DHX57: variants seen among roughly 807,000 people sequenced by gnomAD.
The protein encoded by DHX57 is DExH-box helicase 57.
Under a neutral mutation model 156.2 loss-of-function variants are expected in DHX57, and 105 were observed. The observed-to-expected ratio is 0.67, with a 90% CI of 0.57 to 0.79. The LOEUF is 0.79. DHX57 is among the 30% of genes least tolerant of loss of function. DHX57 has a pLI of 0.00. For missense variants in DHX57, 1,847 were observed against 1,661.9 expected, an observed-to-expected ratio of 1.11 and a Z score of -1.94; for synonymous variants, 704 against 595.6, an observed-to-expected ratio of 1.18 and a Z score of -2.65.
intron 5 of DHX57, among the ~76,000 whole-genome samples, chr2:38,859,672 G>T (rs559856944): frequency 3.6e-4 from 54 of 152,108 alleles, no homozygotes; most frequent in South Asian, 1.2e-3. Flanking sequence ...GTTAGTGAGT[G>T]AATCTGGCTA....
In DHX57 at chr2:38,861,785, C is replaced by G; in HGVS notation, c.625G>C (p.Asp209His). Residue 209 changes from aspartate to histidine, a missense_variant, in exon 5 of 24, where the codon GAT becomes CAT. Transcript: ENST00000457308. ...AGATGCTCTAGTGATGCTCCCACATCTCCATCACACATCCTCAGGACCGCT... is the reference window on the plus strand; with the variant it reads ...AGATGCTCTAGTGATGCTCCCACATGTCCATCACACATCCTCAGGACCGCT... ...CQAVLRMCDG[D>H]VGASLEHLLT... 1 of 1,613,816 alleles carries G rather than the reference C, an allele frequency of 6.2e-7. No homozygotes were observed. The highest frequency in any genetic ancestry group is 8.5e-7 in the Non-Finnish European group (1 of 1,179,870).
chr2:38,850,324 C>G (rs1672517556), intron 9 of DHX57, among the ~76,000 whole-genome samples: 2 of 151,996 alleles, frequency 1.3e-5, no homozygotes, highest in Non-Finnish European at 2.9e-5. Context: ...GCTCTGTCAC[C>G]CAGGCTGGAG....
intron 17 of DHX57, 139 bp downstream of exon 17, chr2:38,822,854 C>T: frequency 3.6e-6 from 3 of 826,184 alleles, no homozygotes; most frequent in Non-Finnish European, 3.7e-6. Context: ...CCCTCCCATG[C>T]AGATGTGCCC....
intron 1 of DHX57, among the ~76,000 whole-genome samples, chr2:38,873,651 T>G (rs976126494): frequency 6.6e-6 from 1 of 152,204 alleles, no homozygotes. Context: ...GAATGGAGAT[T>G]TGTTCATCTA....
intron 1 of DHX57, among the ~76,000 whole-genome samples, chr2:38,870,914 C>A (rs1027640533): frequency 2.0e-5 from 3 of 150,640 alleles, no homozygotes; most frequent in Non-Finnish European, 1.5e-5. Flanking sequence ...AAAAAAACAA[C>A]AAAAAATAGT....
intron 7 of DHX57, among the ~76,000 whole-genome samples, chr2:38,855,539 ACT>A (rs1672854681): frequency 6.6e-6 from 1 of 152,192 alleles, no homozygotes; most frequent in East Asian, 1.9e-4. Flanking sequence ...AGGAACGTAA[ACT>A]CTACACATGA....
rs1457796833 is a variant in DHX57, at chr2:38,868,391, T to C, written c.15A>G (p.Val5=). The stretch of plus-strand genomic sequence containing the variant: ...CTTTGCCTGGCTTGCCTTTTCTTCT[T>C]ACTGAAGAACTCATTTTCACCTGCA... MSSS[V]RRKGKPGKGG... The change falls in exon 2 of 24, where the codon GTA becomes GTG. Residue 5 remains valine (V), a synonymous_variant. Transcript: ENST00000457308. The C allele has an allele frequency of 6.2e-7, 1 of 1,613,186 alleles. No homozygotes were observed. Among genetic ancestry groups the C allele is most frequent in the Admixed American group, 1.7e-5 (1 of 60,014 alleles).
chr2:38,856,969 T>A (rs1444835977), intron 6 of DHX57: 2 of 153,522 alleles, frequency 1.3e-5, no homozygotes, highest in East Asian at 3.8e-4. Context: ...AACATCTGAA[T>A]AAACCGAAAG....
At chr2:38,855,425 G>C (rs1167029341) in intron 7 of DHX57, 173 bp from the exon 8 acceptor site, 1 of 694,970 alleles carries the variant, frequency 1.4e-6, no homozygotes, top group African/African-American at 1.8e-5. Context: ...GGAAATTCTA[G>C]GAATTTGCAC....
chr2:38,870,676 G>A (rs1348427454), intron 1 of DHX57, among the ~76,000 whole-genome samples: 3 of 152,116 alleles, frequency 2.0e-5, no homozygotes, highest in South Asian at 2.1e-4. Context: ...TCAGGAGATC[G>A]AGACCATCTT....
intron 9 of DHX57, 84 bp downstream of exon 9, chr2:38,853,970 C>G (rs1205906955): frequency 7.3e-7 from 1 of 1,363,978 alleles, no homozygotes; most frequent in African/African-American, 1.5e-5. Context: ...CTGCATGAAA[C>G]TGAATTGGAA....
intron 12 of DHX57, among the ~76,000 whole-genome samples, chr2:38,842,548 C>G (rs549045471): frequency 5.9e-5 from 9 of 151,974 alleles, no homozygotes; most frequent in Non-Finnish European, 1.3e-4. Context: ...ATATCTGTAA[C>G]TTACTCTCAG....
At position 38,819,070 on chromosome 2, in the gene DHX57, C is replaced by T; in HGVS notation, c.3366G>A (p.Leu1122=). ...LEFAFANSDY[L]ALLQAYKGWQ... The stretch of plus-strand genomic sequence containing the variant: ...TTACCTTATACGCTTGTAGAAGGGC[C>T]AGATAATCACTGTTTGCGAATGCAA... Residue 1122 remains leucine (L), a synonymous_variant, in exon 18 of 24, where the codon CTG becomes CTA. Transcript: ENST00000457308. 6.2e-7 allele frequency: 1 copy of T among 1,614,180 alleles called. No individual in the cohort carries two copies. Among genetic ancestry groups the T allele is most frequent in the Non-Finnish European group, 8.5e-7 (1 of 1,180,030 alleles).
intron 9 of DHX57, chr2:38,853,818 TACC>T: frequency 3.2e-6 from 1 of 312,468 alleles, no homozygotes; most frequent in Admixed American, 4.5e-5. Flanking sequence ...GTGTGAAGTA[TACC>T]TTCTAACCTA....
At chr2:38,803,457 T>G (rs986107627) in intron 22 of DHX57, among the ~76,000 whole-genome samples, 1 of 151,714 alleles carries the variant, frequency 6.6e-6, no homozygotes, top group East Asian at 1.9e-4. Context: ...CAAAATGCCT[T>G]GACATATTCT....
At chr2:38,827,373 C>A (rs1401028909) in intron 14 of DHX57, among the ~76,000 whole-genome samples, 2 of 147,974 alleles carry the variant, frequency 1.4e-5, no homozygotes, top group Admixed American at 1.4e-4. Flanking sequence ...GTAACCCCAG[C>A]TACTTGTGAG....
intron 14 of DHX57, 58 bp downstream of exon 14, chr2:38,828,282 G>A (rs1671207236): frequency 7.5e-7 from 1 of 1,328,942 alleles, no homozygotes; most frequent in Non-Finnish European, 1.1e-6. Context: ...AGAGGGTGAT[G>A]ATATCTTTAG....
chr2:38,868,541 C>G (rs750395773), intron 1 of DHX57, 130 bp from the exon 2 acceptor site: 11 of 957,182 alleles, frequency 1.1e-5, no homozygotes, highest in Non-Finnish European at 1.7e-5. Context: ...AAGAGCTGGT[C>G]TTGGGGCAGG....
At chr2:38,820,375 C>G (rs1670750179) in intron 17 of DHX57, among the ~76,000 whole-genome samples, 1 of 150,710 alleles carries the variant, frequency 6.6e-6, no homozygotes, top group Non-Finnish European at 1.5e-5. Flanking sequence ...ATCAACATTT[C>G]TGGATTCAGG....
Sources: gnomAD v4.1 joint callset for allele counts (sites outside exome capture counted in the v4.1 genomes callset) on GRCh38, gnomAD v4.1.1 for gene constraint, MANE v1.5 for transcripts, NCBI Gene and HGNC (gene_info 2026-07-23, HGNC 2026-07-21) for gene names.